Variants in DISC1 observed in about 807,000 individuals in gnomAD.
DISC1 encodes the protein disrupted in schizophrenia 1 protein.
DISC1 carries 57 observed loss-of-function variants against 84.5 expected under a neutral mutation model. That is an observed-to-expected ratio of 0.67 (90% CI 0.55 to 0.84). DISC1 has a LOEUF of 0.84. DISC1 is among the 40% of genes least tolerant of loss of function. The pLI is 0.00. For synonymous variants in DISC1, 411 were observed against 415.2 expected (o/e 0.99, Z 0.12); for missense variants, 1,000 against 1,057.8 (o/e 0.95, Z 0.76).
At chr1:231,780,237 T>TAAAAAAA (rs11451092) in intron 6 of DISC1, among the ~76,000 whole-genome samples, 6 of 103,838 alleles carry the variant, frequency 5.8e-5, no homozygotes, top group African/African-American at 9.6e-5. Flanking sequence ...TAAAGTATAA[T>TAAAAAAA]AAAAAAAAAA....
chr1:231,903,096 C>G (rs368932999), intron 9 of DISC1, among the ~76,000 whole-genome samples: 1 of 147,386 alleles, frequency 6.8e-6, no homozygotes, highest in African/African-American at 2.5e-5. Context: ...GAGTCATACT[C>G]TCTTGCCTAG....
At chr1:231,781,234 C>T (rs2077404112) in intron 6 of DISC1, among the ~76,000 whole-genome samples, 2 of 145,586 alleles carry the variant, frequency 1.4e-5, no homozygotes, top group South Asian at 2.2e-4. Context: ...GTAACATTTA[C>T]GATGATTTTT....
At chr1:231,833,641 T>C (rs1172816260) in intron 9 of DISC1, among the ~76,000 whole-genome samples, 1 of 152,152 alleles carries the variant, frequency 6.6e-6, no homozygotes, top group Non-Finnish European at 1.5e-5. Context: ...GGGCATTCCT[T>C]GGCCTGGTGG....
At chr1:232,023,301 T>C (rs1669135793) in intron 11 of DISC1, among the ~76,000 whole-genome samples, 1 of 152,204 alleles carries the variant, frequency 6.6e-6, no homozygotes, top group African/African-American at 2.4e-5. Context: ...CCAGAACTTA[T>C]TTAACTATTC....
At chr1:231,999,844 A>C (rs972883084) in intron 10 of DISC1, among the ~76,000 whole-genome samples, 3 of 151,298 alleles carry the variant, frequency 2.0e-5, no homozygotes, top group African/African-American at 2.5e-5. Context: ...CAACAACAAC[A>C]ACAAAACAAC....
intron 9 of DISC1, among the ~76,000 whole-genome samples, chr1:231,861,289 A>ATTAT (rs141482042): frequency 0.052 from 7,836 of 151,348 alleles, 678 homozygotes; most frequent in African/African-American, 0.18. Flanking sequence ...CATTGTTTTT[A>ATTAT]TTATTTATTT....
chr1:231,964,559 C>T (rs912275209), intron 10 of DISC1, among the ~76,000 whole-genome samples: 1 of 152,190 alleles, frequency 6.6e-6, no homozygotes, highest in African/African-American at 2.4e-5. Context: ...TCTGCAACCC[C>T]TCTGGCAGTA....
chr1:231,662,922 G>C (rs367613237), intron 1 of DISC1, among the ~76,000 whole-genome samples: 6 of 152,222 alleles, frequency 3.9e-5, no homozygotes, highest in African/African-American at 1.4e-4. Flanking sequence ...AAGATATAAA[G>C]GAGGCAAAAT....
At chr1:231,860,774 A>T (rs950019080) in intron 9 of DISC1, among the ~76,000 whole-genome samples, 2 of 152,086 alleles carry the variant, frequency 1.3e-5, no homozygotes, top group African/African-American at 4.8e-5. Flanking sequence ...AAAAACTGAA[A>T]TTTGGCTTGA....
chr1:231,972,774 A>G (rs1367308688), intron 10 of DISC1, among the ~76,000 whole-genome samples: 2 of 152,210 alleles, frequency 1.3e-5, no homozygotes, highest in Non-Finnish European at 2.9e-5. Flanking sequence ...GCCTGTTGCT[A>G]TGCCAGTCTA....
chr1:231,949,618 G>A (rs939848572), intron 9 of DISC1, among the ~76,000 whole-genome samples: 5 of 152,118 alleles, frequency 3.3e-5, no homozygotes, highest in Non-Finnish European at 7.3e-5. Context: ...GGAAAACACT[G>A]CGTAGTCCGG....
At chr1:231,867,132 C>G (rs894111459) in intron 9 of DISC1, among the ~76,000 whole-genome samples, 1 of 152,162 alleles carries the variant, frequency 6.6e-6, no homozygotes, top group Non-Finnish European at 1.5e-5. Context: ...TAATACCCAC[C>G]TTGCTGGTAT....
At chr1:231,700,428 TTC>T (rs1426477694) in intron 2 of DISC1, among the ~76,000 whole-genome samples, 1 of 152,258 alleles carries the variant, frequency 6.6e-6, no homozygotes, top group African/African-American at 2.4e-5. Flanking sequence ...AAATAACATT[TTC>T]TTTTTTCCAC....
intron 9 of DISC1, among the ~76,000 whole-genome samples, chr1:231,942,657 T>A (rs2091419717): frequency 6.6e-6 from 1 of 151,918 alleles, no homozygotes; most frequent in African/African-American, 2.4e-5. Flanking sequence ...AGAGTGAGAC[T>A]GTCTCAAAAA....
At chr1:231,886,766 CCTTTCTTTCTTT>C (rs3084378) in intron 9 of DISC1, among the ~76,000 whole-genome samples, 5,010 of 83,976 alleles carry the variant, frequency 0.06, 121 homozygotes, top group Non-Finnish European at 0.07. Flanking sequence ...TTCCTTCCTT[CCTTTCTTTCTTT>C]CTTTCTTTCT....
Position 231,750,353 on chromosome 1 carries a change from C to G in DISC1, c.1268+277C>G, listed in dbSNP as rs2074478513. The G allele has an allele frequency of 2.4e-6, 3 of 1,227,658 alleles. No homozygotes were observed. In the South Asian group the frequency reaches 8.0e-5, roughly 33 times the overall value. 76.0% of individuals were successfully genotyped at this position (1,227,658 alleles called of 1,614,324 possible). A position where few individuals can be genotyped will look rare whatever the true frequency, so the allele number is the denominator to read the frequency against. On this transcript the variant is annotated intron_variant, in intron 4 of 12. Transcript: ENST00000439617. ...CAGGTCTGAAGCATCTCTTGGGAAA[C>G]TACCCTTCTAAGAAGGTGGGGGTAA... is the stretch of plus-strand genomic sequence containing the variant.
At chr1:231,758,106 G>C (rs1233686726) in intron 4 of DISC1, among the ~76,000 whole-genome samples, 4 of 151,736 alleles carry the variant, frequency 2.6e-5, no homozygotes, top group Non-Finnish European at 5.9e-5. Context: ...CCTACTACTA[G>C]GAACCTTTTG....
intron 9 of DISC1, among the ~76,000 whole-genome samples, chr1:231,924,681 G>C (rs1290846481): frequency 5.3e-5 from 8 of 150,110 alleles, no homozygotes; most frequent in African/African-American, 2.0e-4. Flanking sequence ...TTTTGAGATG[G>C]AGTCTCACTC....
At chr1:231,906,963 T>G (rs1179888878) in intron 9 of DISC1, among the ~76,000 whole-genome samples, 1 of 152,090 alleles carries the variant, frequency 6.6e-6, no homozygotes, top group Non-Finnish European at 1.5e-5. Flanking sequence ...CTTTGCTTTC[T>G]TTCTTTCTCT....
Sources: gnomAD v4.1 joint callset for allele counts (sites outside exome capture counted in the v4.1 genomes callset) on GRCh38, gnomAD v4.1.1 for gene constraint, MANE v1.5 for transcripts, NCBI Gene and HGNC (gene_info 2026-07-23, HGNC 2026-07-21) for gene names.